The following SET variants were observed in gnomAD, a reference collection of about 807,000 sequenced individuals.
SET encodes protein SET.
SET carries 4 observed loss-of-function variants against 39.0 expected under a neutral mutation model. The observed-to-expected ratio is 0.10, with a 90% CI of 0.05 to 0.23. The LOEUF (loss-of-function observed/expected upper bound fraction) is 0.23, where lower values mean the gene tolerates loss of function less well. SET is among the 10% of genes least tolerant of loss of function. The pLI, the probability that SET is intolerant of heterozygous loss-of-function variation, is 1.00. For missense variants in SET, 137 were observed against 329.7 expected (o/e 0.42, Z 4.53); for synonymous variants, 114 against 115.9 (o/e 0.98, Z 0.11).
chr9:128,694,077 C>T lies in SET; in HGVS notation c.810+35C>T, dbSNP rs1564362107. On this transcript the variant is annotated intron_variant, in intron 7 of 7. Coordinates refer to ENST00000322030, the MANE Select transcript of SET (RefSeq NM_003011.4). ...AATTTGGCTAAACCCACAAAGATAA[C>T]TTTTAAAGAATTCATGTTATTTTGG... 4 of 1,455,132 alleles carry T rather than the reference C, an allele frequency of 2.7e-6. No homozygotes were observed. The African/African-American group carries it at 4.4e-5, about 16-fold the overall frequency. The allele number at this position is 1,455,132 out of a possible 1,614,324, so 90.1% of individuals were successfully genotyped here. A position where few individuals can be genotyped will look rare whatever the true frequency, so the allele number is the denominator to read the frequency against.
chr9:128,684,133 G>A (rs1300913932), intron 1 of SET: 2 of 722,970 alleles, frequency 2.8e-6, no homozygotes, highest in Non-Finnish European at 4.5e-6. Context: ...TTAAACCTGG[G>A]ATGGTGGATT....
In SET at chr9:128,696,123, C is replaced by CT. The variant is rs1412136118; in HGVS notation, c.*1460dup. On this transcript the variant is annotated 3_prime_UTR_variant, in exon 8 of 8. Coordinates refer to ENST00000322030, the MANE Select transcript of SET (RefSeq NM_003011.4). The stretch of plus-strand genomic sequence containing the variant: ...CAATGCCATTGTGCAGAGAAGCACC[C>CT]TAATGCATAAGCTTTTTAATGCTGT... The CT allele has an allele frequency of 4.5e-6, 1 of 219,990 alleles. No homozygotes were observed. Among genetic ancestry groups the CT allele is most frequent in the African/African-American group, 2.2e-5 (1 of 44,806 alleles). The allele number at this position is 219,990 out of a possible 1,614,324, so 13.6% of individuals were successfully genotyped here.
At chr9:128,690,689 C>T (rs994847041) in intron 1 of SET, 2 of 172,346 alleles carry the variant, frequency 1.2e-5, no homozygotes, top group Non-Finnish European at 2.5e-5. Flanking sequence ...TGCCTGGTAT[C>T]TTCATCGTAA....
At chr9:128,693,067 G>A in intron 5 of SET, 86 bp downstream of exon 5, 1 of 853,864 alleles carries the variant, frequency 1.2e-6, no homozygotes, top group Non-Finnish European at 1.9e-6. Context: ...TGATACTTTG[G>A]TCATGTGGCT....
upstream of SET, among the ~76,000 whole-genome samples, chr9:128,687,642 C>G (rs1418679459): frequency 6.7e-6 from 1 of 148,286 alleles, no homozygotes; most frequent in African/African-American, 2.5e-5. Flanking sequence ...AAAAAAAGAG[C>G]CAATGGTAAA....
Position 128,689,548 on chromosome 9 carries a change from CCTCCCCG to C in SET, c.-28_-22del, listed in dbSNP as rs1323020094. ...CCCCCTTCGCCTTCCCTTCTCTCCC[CCTCCCCG>C]CTCCCCCCCCGACCGCGGAGCAGCA... On this transcript the variant is annotated 5_prime_UTR_variant, in exon 1 of 8. Transcript: ENST00000322030. 1 of 1,198,472 alleles carries C rather than the reference CCTCCCCG, an allele frequency of 8.3e-7. No homozygotes were observed. The highest frequency in any genetic ancestry group is 1.1e-6 in the Non-Finnish European group (1 of 903,710). The allele number at this position is 1,198,472 out of a possible 1,614,324, so 74.2% of individuals were successfully genotyped here. A position where few individuals can be genotyped will look rare whatever the true frequency, so the allele number is the denominator to read the frequency against.
intron 1 of SET, chr9:128,684,106 A>T (rs1463586987): frequency 1.1e-6 from 1 of 943,210 alleles, no homozygotes; most frequent in Non-Finnish European, 1.6e-6. Context: ...GTGACCCCTA[A>T]GCACCCCCAA....
chr9:128,693,545 C>T lies in SET; in HGVS notation c.493-93C>T, dbSNP rs1445566760. 5 of 1,349,500 alleles carry T rather than the reference C, an allele frequency of 3.7e-6. No individual in the cohort carries two copies. The Admixed American group carries it at 8.4e-5, about 23-fold the overall frequency. The allele number at this position is 1,349,500 out of a possible 1,614,324, so 83.6% of individuals were successfully genotyped here. ...AGATAGTATACTGATATTTGTTTTG[C>T]TTAGCTTTTGGGGAAAATCTTATTT... On this transcript the variant is annotated intron_variant, in intron 5 of 7. Coordinates refer to ENST00000322030, the MANE Select transcript of SET (RefSeq NM_003011.4).
Position 128,693,910 on chromosome 9 carries a change from T to C in SET, c.678T>C (p.Asp226=). The change falls in exon 7 of 8, where the codon GAT becomes GAC. Residue 226 remains aspartate (D), a synonymous_variant. Coordinates refer to ENST00000322030, the MANE Select transcript of SET (RefSeq NM_003011.4). ...TTTTTTTTAAGGTTCCCGATATGGA[T>C]GATGAAGAAGGAGAAGGAGAAGAAG... ...PLQYYLVPDM[D]DEEGEGEEDD... 1 of 1,597,564 alleles carries C rather than the reference T, an allele frequency of 6.3e-7. No homozygotes were observed. Among genetic ancestry groups the C allele is most frequent in the Non-Finnish European group, 8.5e-7 (1 of 1,169,756 alleles).
upstream of SET, chr9:128,685,233 T>C (rs1261569600): frequency 3.2e-6 from 5 of 1,576,434 alleles, no homozygotes; most frequent in South Asian, 1.1e-5. Flanking sequence ...ATAAAACAAC[T>C]TGTGCTTGTT....
chr9:128,693,485 G>A (rs1019276829), intron 5 of SET, among the ~76,000 whole-genome samples, 153 bp from the exon 6 acceptor site: 2 of 152,168 alleles, frequency 1.3e-5, no homozygotes, highest in African/African-American at 2.4e-5. Context: ...CTGCTGCACA[G>A]TTTTATAATT....
chr9:128,687,955 G>T (rs1281275520), upstream of SET, among the ~76,000 whole-genome samples: 1 of 152,016 alleles, frequency 6.6e-6, no homozygotes, highest in East Asian at 2.0e-4. Flanking sequence ...AGTGGCTCCC[G>T]CCTGTAATCC....
chr9:128,692,498 G>T, intron 3 of SET, 164 bp from the exon 4 acceptor site: 2 of 482,640 alleles, frequency 4.1e-6, no homozygotes, highest in Non-Finnish European at 7.6e-6. Context: ...ATTGCTTGAT[G>T]AAAGATAGTG....
intron 3 of SET, 24 bp downstream of exon 3, chr9:128,692,024 T>G: frequency 1.2e-6 from 2 of 1,611,652 alleles, no homozygotes; most frequent in Non-Finnish European, 1.7e-6. Flanking sequence ...AGGGCATTGT[T>G]AAAGGATAAA....
At position 128,692,848 on chromosome 9, in the gene SET, C is replaced by T; in HGVS notation, c.379-20C>T. 1.3e-6 allele frequency: 2 copies of T among 1,527,174 alleles called. No individual in the cohort carries two copies. Among genetic ancestry groups the T allele is most frequent in the African/African-American group, 2.7e-5 (2 of 72,834 alleles). The allele number at this position is 1,527,174 out of a possible 1,614,324, so 94.6% of individuals were successfully genotyped here. A position where few individuals can be genotyped will look rare whatever the true frequency, so the allele number is the denominator to read the frequency against. On this transcript the variant is annotated intron_variant, in intron 4 of 7. Transcript: ENST00000322030. ...TGGAAGACCTGTTCATATTTCTAATCTTTCAATTATTTATTACAGTATTTT... is the reference window on the plus strand; with the variant it reads ...TGGAAGACCTGTTCATATTTCTAATTTTTCAATTATTTATTACAGTATTTT...
At chr9:128,685,120 T>C (rs1861240535), upstream of SET, 4 of 1,561,522 alleles carry the variant, frequency 2.6e-6, no homozygotes, top group East Asian at 9.4e-5. Context: ...CAGGGCTCAG[T>C]GTGGACCTGT....
At position 128,694,731 on chromosome 9, in the gene SET, AGTCT is replaced by A; in HGVS notation, c.*68_*71del. 1.2e-5 allele frequency: 7 copies of A among 592,290 alleles called. No individual in the cohort carries two copies. Among genetic ancestry groups the A allele is most frequent in the Non-Finnish European group, 1.7e-5 (6 of 363,386 alleles). The allele number at this position is 592,290 out of a possible 1,614,324, so 36.7% of individuals were successfully genotyped here. A position where few individuals can be genotyped will look rare whatever the true frequency, so the allele number is the denominator to read the frequency against. ...TCTCCAGTCCCTGGGAGCAAGTTGCAGTCTTTTTTTTTTTTTTTTTTTTTTTTCC... is the reference window on the plus strand; with the variant it reads ...TCTCCAGTCCCTGGGAGCAAGTTGCATTTTTTTTTTTTTTTTTTTTTTTCC... On this transcript the variant is annotated 3_prime_UTR_variant, in exon 8 of 8. Coordinates refer to ENST00000322030, the MANE Select transcript of SET (RefSeq NM_003011.4).
upstream of SET, among the ~76,000 whole-genome samples, chr9:128,687,662 C>T (rs1861334580): frequency 6.8e-6 from 1 of 147,542 alleles, no homozygotes; most frequent in African/African-American, 2.5e-5. Flanking sequence ...AGTGTGAGTT[C>T]TGGAAGGCAG....
At chr9:128,692,027 A>T (rs747381979) in intron 3 of SET, 27 bp downstream of exon 3, 3 of 1,608,048 alleles carry the variant, frequency 1.9e-6, no homozygotes, top group Non-Finnish European at 2.5e-6. Context: ...GCATTGTTAA[A>T]GGATAAACAG....
Sources: allele counts gnomAD v4.1 joint callset (sites outside exome capture counted in the v4.1 genomes callset), GRCh38; gene constraint gnomAD v4.1.1; transcripts MANE v1.5; gene names NCBI Gene and HGNC (gene_info 2026-07-23, HGNC 2026-07-21).